Variants in NTNG1 observed in about 807,000 individuals in gnomAD.
The protein encoded by NTNG1 is netrin G1, also known as netrin-G1.
In NTNG1, 16 loss-of-function variants were observed where a neutral mutation model predicts 54.0. The observed-to-expected ratio is 0.30, with a 90% CI of 0.20 to 0.45. The LOEUF is 0.45. NTNG1 is among the 20% of genes least tolerant of loss of function. The probability of loss-of-function intolerance (pLI) is 1.00; values close to 1 mark genes in which losing one functional copy is unlikely to be tolerated. For missense variants in NTNG1, 530 were observed against 678.7 expected, an observed-to-expected ratio of 0.78 and a Z score of 2.43; for synonymous variants, 255 against 263.1, an observed-to-expected ratio of 0.97 and a Z score of 0.30.
rs1667852173 is a variant in NTNG1, at chr1:107,324,790, A to G, written c.755A>G (p.Lys252Arg). 2.5e-6 allele frequency: 4 copies of G among 1,613,522 alleles called. 1 individual carries two copies. Among genetic ancestry groups the G allele is most frequent in the Admixed American group, 3.3e-5 (2 of 59,884 alleles). Residue 252 changes from lysine to arginine, a missense_variant, in exon 3 of 8, where the codon AAA becomes AGA. Coordinates refer to ENST00000370068, the MANE Select transcript of NTNG1 (RefSeq NM_001113226.3). ...SLYGQLDTTK[K>R]LRDFFTVTDL... is the part of the protein sequence containing the mutation. ...TACGGACAGCTGGATACAACCAAGA[A>G]ACTCAGAGATTTCTTTACAGTCACA...
At chr1:107,217,368 A>G (rs1289441677) in intron 2 of NTNG1, among the ~76,000 whole-genome samples, 3 of 151,988 alleles carry the variant, frequency 2.0e-5, no homozygotes, top group Non-Finnish European at 4.4e-5. Context: ...ATGGTCTATT[A>G]ATTTTATTTA....
At chr1:107,242,436 A>C (rs1045893435) in intron 2 of NTNG1, among the ~76,000 whole-genome samples, 2 of 152,228 alleles carry the variant, frequency 1.3e-5, no homozygotes, top group African/African-American at 4.8e-5. Context: ...CAAAGGCTTT[A>C]GGAATCTGTG....
intron 7 of NTNG1, among the ~76,000 whole-genome samples, chr1:107,438,921 G>A (rs528469633): frequency 2.6e-5 from 4 of 152,234 alleles, no homozygotes; most frequent in African/African-American, 9.6e-5. Context: ...TACTTGTTAG[G>A]TGGATCACTG....
At chr1:107,443,529 C>T (rs145698012) in intron 7 of NTNG1, among the ~76,000 whole-genome samples, 27 of 152,166 alleles carry the variant, frequency 1.8e-4, no homozygotes, top group African/African-American at 6.0e-4. Context: ...AAATATCTTG[C>T]GCCTAACTTG....
chr1:107,317,290 G>A (rs1198118816), intron 2 of NTNG1, among the ~76,000 whole-genome samples: 3 of 151,976 alleles, frequency 2.0e-5, no homozygotes, highest in Admixed American at 1.3e-4. Context: ...TGTAATTAAC[G>A]TTTTTAAAAT....
chr1:107,265,524 G>A (rs1398802330), intron 2 of NTNG1, among the ~76,000 whole-genome samples: 2 of 152,124 alleles, frequency 1.3e-5, no homozygotes, highest in Non-Finnish European at 2.9e-5. Context: ...AAGATTTGCA[G>A]GCCTGCAAGC....
intron 2 of NTNG1, among the ~76,000 whole-genome samples, chr1:107,155,099 T>C (rs902892792): frequency 1.3e-5 from 2 of 152,138 alleles, no homozygotes; most frequent in African/African-American, 4.8e-5. Flanking sequence ...CTCTCTGGAC[T>C]GTTTTGAACT....
intron 2 of NTNG1, among the ~76,000 whole-genome samples, chr1:107,259,796 T>A (rs1398245952): frequency 6.6e-6 from 1 of 152,220 alleles, no homozygotes; most frequent in Admixed American, 6.5e-5. Context: ...TTTCGCAGAC[T>A]GATTTCTTTT....
intron 2 of NTNG1, among the ~76,000 whole-genome samples, chr1:107,309,315 T>A (rs1233497611): frequency 2.0e-5 from 3 of 152,116 alleles, no homozygotes; most frequent in Non-Finnish European, 2.9e-5. Flanking sequence ...TTAGGCAATA[T>A]CTCTGTAAAT....
chr1:107,363,427 G>T (rs1253248939), intron 3 of NTNG1, among the ~76,000 whole-genome samples: 1 of 152,090 alleles, frequency 6.6e-6, no homozygotes, highest in Non-Finnish European at 1.5e-5. Context: ...GAATACACAG[G>T]AAACATGATT....
intron 5 of NTNG1, among the ~76,000 whole-genome samples, chr1:107,422,132 A>G (rs1674611867): frequency 6.6e-6 from 1 of 152,074 alleles, no homozygotes; most frequent in Admixed American, 6.6e-5. Context: ...AAATTTTCTC[A>G]AATGTGCTTT....
chr1:107,262,066 G>A (rs909032273), intron 2 of NTNG1, among the ~76,000 whole-genome samples: 1 of 152,136 alleles, frequency 6.6e-6, no homozygotes, highest in Non-Finnish European at 1.5e-5. Flanking sequence ...AAGGCCCTTG[G>A]CAGTTAATGT....
upstream of NTNG1, among the ~76,000 whole-genome samples, chr1:107,140,487 A>T (rs1653573392): frequency 6.6e-6 from 1 of 152,086 alleles, no homozygotes; most frequent in Non-Finnish European, 1.5e-5. Flanking sequence ...ATATTTCATC[A>T]AACGGACTTT....
intron 2 of NTNG1, among the ~76,000 whole-genome samples, chr1:107,161,964 G>T (rs1655439967): frequency 6.7e-6 from 1 of 149,812 alleles, no homozygotes. Context: ...TCTGTAACTT[G>T]CTTTGTCATT....
At chr1:107,360,437 T>TTTCCCTACCCTTCTTA (rs1670194478) in intron 3 of NTNG1, among the ~76,000 whole-genome samples, 1 of 151,982 alleles carries the variant, frequency 6.6e-6, no homozygotes, top group Non-Finnish European at 1.5e-5. Flanking sequence ...AAATAGAAAG[T>TTTCCCTACCCTTCTTA]ACAGTATGGA....
intron 7 of NTNG1, among the ~76,000 whole-genome samples, chr1:107,452,375 T>C (rs1676680781): frequency 6.6e-6 from 1 of 152,182 alleles, no homozygotes; most frequent in South Asian, 2.1e-4. Flanking sequence ...AAGTCTTGGA[T>C]GGTGGACAGT....
chr1:107,148,608 A>T lies in NTNG1; in HGVS notation c.15A>T (p.Arg5Ser). The change falls in exon 2 of 8, where the codon AGA becomes AGT. Residue 5 changes from arginine to serine, a missense_variant. Physicochemically the swap from Arg to Ser is moderately radical, Grantham distance 110 (BLOSUM62 -1). This residue lies in a region of NTNG1 where 318 missense variants were observed against 465.1 expected (regional missense o/e 0.68). Coordinates refer to ENST00000370068, the MANE Select transcript of NTNG1 (RefSeq NM_001113226.3). MYLS[R>S]FLSIHALWVT... ...AGAATTTAGAGATGTATTTGTCAAG[A>T]TTCCTGTCGATTCATGCCCTTTGGG... 1 of 1,613,362 alleles carries T rather than the reference A, an allele frequency of 6.2e-7. No homozygotes were observed. The highest frequency in any genetic ancestry group is 8.5e-7 in the Non-Finnish European group (1 of 1,179,398).
At chr1:107,244,782 T>C (rs1049172154) in intron 2 of NTNG1, among the ~76,000 whole-genome samples, 2 of 152,102 alleles carry the variant, frequency 1.3e-5, no homozygotes, top group Non-Finnish European at 2.9e-5. Context: ...AGGTGAAGAG[T>C]GTGGCGCGAA....
intron 7 of NTNG1, among the ~76,000 whole-genome samples, chr1:107,445,818 T>C (rs509535): frequency 0.042 from 6,318 of 152,116 alleles, 292 homozygotes; most frequent in African/African-American, 0.11. Flanking sequence ...AATGAAAGAG[T>C]GTAGCTGTGT....
Sources: allele counts gnomAD v4.1 joint callset (sites outside exome capture counted in the v4.1 genomes callset), GRCh38; gene constraint gnomAD v4.1.1; regional missense constraint gnomAD v4.1.1; transcripts MANE v1.5; gene names NCBI Gene and HGNC (gene_info 2026-07-23, HGNC 2026-07-21).